Variants in THSD7B observed in about 807,000 individuals in gnomAD.
The protein encoded by THSD7B is thrombospondin type 1 domain containing 7B.
THSD7B carries 138 observed loss-of-function variants against 213.6 expected under a neutral mutation model. The observed-to-expected ratio is 0.65, with a 90% CI of 0.56 to 0.74. The LOEUF (loss-of-function observed/expected upper bound fraction) is 0.74, where lower values mean the gene tolerates loss of function less well. THSD7B is among the 30% of genes least tolerant of loss of function. The pLI is 0.00. For synonymous variants in THSD7B, 742 were observed against 687.0 expected (o/e 1.08, Z -1.25); for missense variants, 1,931 against 1,991.5 (o/e 0.97, Z 0.58).
intron 15 of THSD7B, among the ~76,000 whole-genome samples, chr2:137,472,179 A>G (rs1688107307): frequency 6.6e-6 from 1 of 152,188 alleles, no homozygotes; most frequent in Admixed American, 6.5e-5. Context: ...TTAATGCCAG[A>G]ATATGAGATT....
At chr2:137,371,828 G>A (rs997979264) in intron 12 of THSD7B, among the ~76,000 whole-genome samples, 5 of 151,888 alleles carry the variant, frequency 3.3e-5, no homozygotes, top group Non-Finnish European at 5.9e-5. Flanking sequence ...TTTTCTCATA[G>A]TAAGCACTAC....
At chr2:137,243,704 GTCAT>G (rs1681964162) in intron 10 of THSD7B, among the ~76,000 whole-genome samples, 1 of 152,174 alleles carries the variant, frequency 6.6e-6, no homozygotes, top group Admixed American at 6.5e-5. Flanking sequence ...AGATCTGATG[GTCAT>G]TCAAACACCT....
intron 4 of THSD7B, among the ~76,000 whole-genome samples, chr2:137,099,388 G>T (rs1234766687): frequency 6.6e-6 from 1 of 152,200 alleles, no homozygotes; most frequent in East Asian, 1.9e-4. Flanking sequence ...CTGTTTAGTA[G>T]ATGGGGTAAA....
chr2:137,535,407 G>A (rs1378974187), intron 15 of THSD7B, among the ~76,000 whole-genome samples: 7 of 151,672 alleles, frequency 4.6e-5, no homozygotes, highest in South Asian at 4.1e-4. Flanking sequence ...TGGATTACAC[G>A]GAAATGGAAT....
At position 137,041,586 on chromosome 2, in the gene THSD7B, G is replaced by A. The variant is rs565036663; in HGVS notation, c.140-14834G>A. Among the ~76,000 whole-genome samples the A allele has an allele frequency of 2.9e-3, 426 of 149,450 alleles. 2 individuals are homozygous for A. The highest frequency in any genetic ancestry group is 4.9e-3 in the Admixed American group (73 of 14,936). ...CATATATACTAACAAAAACTACATCGTACGTAAGAAACAGAATTGGCTTAA... is the reference window on the plus strand; with the variant it reads ...CATATATACTAACAAAAACTACATCATACGTAAGAAACAGAATTGGCTTAA... On this transcript the variant is annotated intron_variant, in intron 2 of 27. Coordinates refer to ENST00000409968, the MANE Select transcript of THSD7B (RefSeq NM_001316349.2).
At chr2:137,265,303 G>C (rs984541546) in intron 10 of THSD7B, among the ~76,000 whole-genome samples, 2 of 152,144 alleles carry the variant, frequency 1.3e-5, no homozygotes, top group Non-Finnish European at 2.9e-5. Context: ...TCATTAAAAA[G>C]TCAGGAAACA....
chr2:136,944,557 T>G (rs1055164856), intron 2 of THSD7B, among the ~76,000 whole-genome samples: 4 of 152,176 alleles, frequency 2.6e-5, no homozygotes, highest in African/African-American at 9.7e-5. Context: ...TTTATGAATC[T>G]GGGTGCTCCT....
intron 2 of THSD7B, among the ~76,000 whole-genome samples, chr2:136,995,193 A>G (rs1417044418): frequency 6.6e-6 from 1 of 152,168 alleles, no homozygotes; most frequent in East Asian, 1.9e-4. Context: ...AGCAAATTCT[A>G]GTGGGGTCTG....
At chr2:136,898,759 C>T (rs1163691578) in intron 2 of THSD7B, among the ~76,000 whole-genome samples, 1 of 151,812 alleles carries the variant, frequency 6.6e-6, no homozygotes, top group Non-Finnish European at 1.5e-5. Flanking sequence ...TCTCCTGCCT[C>T]AGCCTCCTGA....
At chr2:137,214,232 G>A (rs1051809427) in intron 7 of THSD7B, among the ~76,000 whole-genome samples, 9 of 152,026 alleles carry the variant, frequency 5.9e-5, no homozygotes, top group African/African-American at 2.2e-4. Context: ...GCCTATTTAT[G>A]TACTTATACC....
chr2:137,389,575 A>G (rs1685972174), intron 12 of THSD7B, among the ~76,000 whole-genome samples: 1 of 151,094 alleles, frequency 6.6e-6, no homozygotes, highest in South Asian at 2.1e-4. Context: ...TTATTTTACT[A>G]TAGTCCCATT....
intron 12 of THSD7B, among the ~76,000 whole-genome samples, chr2:137,325,021 G>C (rs1480453900): frequency 6.6e-6 from 1 of 152,152 alleles, no homozygotes; most frequent in Non-Finnish European, 1.5e-5. Context: ...AGATTTCCTT[G>C]TGGTTTTGCC....
intron 1 of THSD7B, among the ~76,000 whole-genome samples, chr2:136,785,457 T>A (rs1009992649): frequency 2.4e-5 from 1 of 41,432 alleles, no homozygotes; most frequent in African/African-American, 1.0e-4. Flanking sequence ...AGGGGCCACT[T>A]TCCATCTTGG....
chr2:137,638,302 T>A lies in THSD7B; in HGVS notation c.3800-4186T>A, dbSNP rs543409442. Among the ~76,000 whole-genome samples the A allele has an allele frequency of 9.2e-5, 14 of 152,270 alleles. No homozygotes were observed. The South Asian group carries it at 2.9e-3, about 32-fold the overall frequency. On this transcript the variant is annotated intron_variant, in intron 20 of 27. Transcript: ENST00000409968. The stretch of plus-strand genomic sequence containing the variant: ...TGGGTGCCGGTCTTTCCCGTGCTAT[T>A]CTTATGATAGTGAATAAGTCTCATG...
chr2:137,624,037 A>G (rs536093727), intron 20 of THSD7B, among the ~76,000 whole-genome samples: 1 of 152,368 alleles, frequency 6.6e-6, no homozygotes, highest in East Asian at 1.9e-4. Flanking sequence ...CCTAAGCCAA[A>G]GAACAAAGCT....
At chr2:137,188,612 G>A (rs1051658948) in intron 7 of THSD7B, among the ~76,000 whole-genome samples, 1 of 152,196 alleles carries the variant, frequency 6.6e-6, no homozygotes, top group African/African-American at 2.4e-5. Context: ...CCTTGGGAGT[G>A]TCCTAAATTG....
At chr2:137,509,010 C>T (rs148322642) in intron 15 of THSD7B, among the ~76,000 whole-genome samples, 2 of 152,042 alleles carry the variant, frequency 1.3e-5, no homozygotes, top group Non-Finnish European at 2.9e-5. Flanking sequence ...CGTCCTGGGG[C>T]ACCATGGGCA....
At chr2:137,551,638 AT>A (rs1374167250) in intron 15 of THSD7B, among the ~76,000 whole-genome samples, 3 of 152,184 alleles carry the variant, frequency 2.0e-5, no homozygotes, top group Admixed American at 2.0e-4. Flanking sequence ...TTATCAATAC[AT>A]TTTGTTAAAT....
At chr2:137,240,453 C>G (rs2105063371) in intron 9 of THSD7B, among the ~76,000 whole-genome samples, 1 of 152,224 alleles carries the variant, frequency 6.6e-6, no homozygotes, top group Non-Finnish European at 1.5e-5. Context: ...TTATTAGTTT[C>G]TGTTCTGCCT....
Sources: allele counts gnomAD v4.1 joint callset (sites outside exome capture counted in the v4.1 genomes callset), GRCh38; gene constraint gnomAD v4.1.1; transcripts MANE v1.5; gene names NCBI Gene and HGNC (gene_info 2026-07-23, HGNC 2026-07-21).